The following RAB27A variants were observed in gnomAD, a reference collection of about 807,000 sequenced individuals.
RAB27A encodes the protein ras-related protein Rab-27A.
In RAB27A, 17 loss-of-function variants were observed where a neutral mutation model predicts 20.8. The observed-to-expected ratio is 0.82, with a 90% CI of 0.56 to 1.23. The LOEUF is 1.23. Among genes scored for constraint, RAB27A ranks in the 50% most tolerant of loss-of-function variants. The pLI is 0.00. For synonymous variants in RAB27A, 85 were observed against 92.8 expected, an observed-to-expected ratio of 0.92 and a Z score of 0.48; for missense variants, 277 against 266.7, an observed-to-expected ratio of 1.04 and a Z score of -0.27.
intron 2 of RAB27A, among the ~76,000 whole-genome samples, chr15:55,238,975 T>C (rs1207412592): frequency 6.6e-6 from 1 of 152,214 alleles, no homozygotes; most frequent in African/African-American, 2.4e-5. Flanking sequence ...TTTCTGACTT[T>C]GGCTAAAACC....
chr15:55,308,743 T>C lies in RAB27A; in HGVS notation c.-112+5296A>G, dbSNP rs187379701. Among the ~76,000 whole-genome samples the C allele has an allele frequency of 7.0e-4, 106 of 152,320 alleles. 1 individual carries two copies. Among genetic ancestry groups the C allele is most frequent in the Admixed American group, 4.9e-3 (75 of 15,294 alleles). ...GCCCTTCAAGTAATAGAGCCTGATA[T>C]TTAAGTAAACGGTTGTCTGACAGCC... On this transcript the variant is annotated intron_variant, in intron 2 of 5. Transcript: ENST00000563262.
At chr15:55,293,256 G>C (rs1195070671), upstream of RAB27A, among the ~76,000 whole-genome samples, 2 of 151,986 alleles carry the variant, frequency 1.3e-5, no homozygotes, top group Non-Finnish European at 2.9e-5. Context: ...TGTCTGCTAA[G>C]AGGTCCTAGA....
chr15:55,300,024 G>T (rs1020095635), intron 2 of RAB27A, among the ~76,000 whole-genome samples: 2 of 151,970 alleles, frequency 1.3e-5, no homozygotes, highest in East Asian at 1.9e-4. Context: ...GTTTTACCAC[G>T]TTAGCCAGGA....
rs1757309483 is a variant in RAB27A at position 55,209,921 on chromosome 15, C to CACATATGTGTGTATATGTATAT, written c.468-4217_468-4216insATATACATATACACACATATGT. 9.3e-5 allele frequency among the ~76,000 whole-genome samples: 7 copies of CACATATGTGTGTATATGTATAT among 75,594 alleles called. 1 individual carries two copies. In the African/African-American group the frequency reaches 1.1e-3, roughly 12 times the overall value. The allele number at this position is 75,594 out of a possible 152,430, so 49.6% of individuals were successfully genotyped here. ...ACACATATGTGTGTGTATGTATATA[C>CACATATGTGTGTATATGTATAT]ACACATATATGTATGTACATGTACA... On this transcript the variant is annotated intron_variant, in intron 6 of 6. Coordinates refer to ENST00000336787, the MANE Select transcript of RAB27A (RefSeq NM_183235.3).
chr15:55,275,250 TAAC>T (rs1322391414), intron 1 of RAB27A, among the ~76,000 whole-genome samples: 1 of 145,878 alleles, frequency 6.9e-6, no homozygotes, highest in Non-Finnish European at 1.5e-5. Context: ...AGACTCCATC[TAAC>T]AACAACAAAA....
At chr15:55,301,142 C>A (rs1258807632) in intron 2 of RAB27A, among the ~76,000 whole-genome samples, 4 of 151,994 alleles carry the variant, frequency 2.6e-5, no homozygotes, top group African/African-American at 4.8e-5. Flanking sequence ...AGCTTTGGAC[C>A]AAACTAATCT....
intron 6 of RAB27A, among the ~76,000 whole-genome samples, chr15:55,221,890 A>G (rs1313702789): frequency 6.6e-6 from 1 of 152,150 alleles, no homozygotes; most frequent in African/African-American, 2.4e-5. Flanking sequence ...ACAGGAAGTG[A>G]CATGGGTTTT....
At chr15:55,275,918 T>TAAAAAA (rs60106785) in intron 1 of RAB27A, among the ~76,000 whole-genome samples, 2,395 of 103,876 alleles carry the variant, frequency 0.023, 106 homozygotes, top group Non-Finnish European at 0.031. Flanking sequence ...GATGGCTAAT[T>TAAAAAA]AAAAAAAAAA....
At chr15:55,206,376 C>CTCTGTCTCAAA in intron 6 of RAB27A, 1 of 476,692 alleles carries the variant, frequency 2.1e-6, no homozygotes, top group Non-Finnish European at 2.7e-6. Context: ...TGTTTTGAGA[C>CTCTGTCTCAAA]AGAGTCTCTA....
At position 55,318,998 on chromosome 15, in the gene RAB27A, G is replaced by A. The variant is rs1297387481; in HGVS notation, c.-301C>T. On this transcript the variant is annotated 5_prime_UTR_variant, in exon 1 of 6. Transcript: ENST00000563262. The stretch of plus-strand genomic sequence containing the variant: ...CCGCCTGCTCCCCTCCAGAGACCGG[G>A]GGCCTTCCAGCAGTTTTCGGACCCC... The A allele has an allele frequency of 8.6e-6, 4 of 463,282 alleles. No homozygotes were observed. In the East Asian group the frequency reaches 1.1e-4, roughly 13 times the overall value. The allele number at this position is 463,282 out of a possible 1,614,324, so 28.7% of individuals were successfully genotyped here.
chr15:55,243,185 T>C lies in RAB27A; in HGVS notation c.-22-8229A>G, dbSNP rs1213658631. ...GAGCTTGTCTGCTTCTTGCTGGTCA[T>C]TGCAAATCCAAGAAAAAAAAATAAC... On this transcript the variant is annotated intron_variant, in intron 2 of 6. Coordinates refer to ENST00000336787, the MANE Select transcript of RAB27A (RefSeq NM_183235.3). Among the ~76,000 whole-genome samples, 8 of 152,268 alleles carry C rather than the reference T, an allele frequency of 5.3e-5. No individual in the cohort carries two copies. In the South Asian group the frequency reaches 6.2e-4, roughly 12 times the overall value.
intron 5 of RAB27A, among the ~76,000 whole-genome samples, chr15:55,224,289 G>A (rs549303872): frequency 2.0e-5 from 3 of 152,268 alleles, no homozygotes; most frequent in South Asian, 2.1e-4. Context: ...ATGTGCACAC[G>A]CACACATATG....
chr15:55,224,533 A>G (rs1162908704), intron 5 of RAB27A, among the ~76,000 whole-genome samples: 2 of 152,246 alleles, frequency 1.3e-5, no homozygotes, highest in African/African-American at 4.8e-5. Context: ...AAAACAAACA[A>G]GATACAGGCT....
chr15:55,274,322 T>C (rs1897789070), intron 1 of RAB27A, among the ~76,000 whole-genome samples: 1 of 151,772 alleles, frequency 6.6e-6, no homozygotes, highest in Admixed American at 6.6e-5. Flanking sequence ...CAACCTAAGT[T>C]TATACTGCAA....
chr15:55,271,796 T>TA (rs142791359), intron 1 of RAB27A, among the ~76,000 whole-genome samples: 6,352 of 152,258 alleles, frequency 0.042, 149 homozygotes, highest in Non-Finnish European at 0.051. Flanking sequence ...ACGCTTTCAT[T>TA]ATGGCAGCTC....
chr15:55,300,882 T>G (rs1264651537), intron 2 of RAB27A, among the ~76,000 whole-genome samples: 1 of 152,100 alleles, frequency 6.6e-6, no homozygotes, highest in African/African-American at 2.4e-5. Flanking sequence ...GTGATTTAAA[T>G]AGCTGTATCC....
intron 2 of RAB27A, among the ~76,000 whole-genome samples, chr15:55,258,097 A>AGTGAGGAG (rs779112844): frequency 4.1e-4 from 62 of 150,768 alleles, no homozygotes; most frequent in Non-Finnish European, 7.8e-4. Context: ...GGAAACACAC[A>AGTGAGGAG]GTGAGGAGGA....
At chr15:55,239,561 T>C (rs1321309793) in intron 2 of RAB27A, among the ~76,000 whole-genome samples, 1 of 152,150 alleles carries the variant, frequency 6.6e-6, no homozygotes, top group Non-Finnish European at 1.5e-5. Context: ...TAGGAGAAGA[T>C]GACAGATAAC....
At chr15:55,208,383 AC>A (rs1894754120) in intron 6 of RAB27A, among the ~76,000 whole-genome samples, 1 of 152,228 alleles carries the variant, frequency 6.6e-6, no homozygotes, top group Non-Finnish European at 1.5e-5. Context: ...GGCATGAATC[AC>A]AAGTAGGAAT....
Sources: gnomAD v4.1 joint callset for allele counts (sites outside exome capture counted in the v4.1 genomes callset) on GRCh38, gnomAD v4.1.1 for gene constraint, MANE v1.5 for transcripts, NCBI Gene and HGNC (gene_info 2026-07-23, HGNC 2026-07-21) for gene names.